The following CSMD3 variants were observed in gnomAD, a reference collection of about 807,000 sequenced individuals.
CSMD3 encodes CUB and sushi domain-containing protein 3.
In CSMD3, 177 loss-of-function variants were observed where a neutral mutation model predicts 435.2. That is an observed-to-expected ratio of 0.41 (90% CI 0.36 to 0.46). The LOEUF is 0.46. Ranked by LOEUF, CSMD3 falls within the 20% of genes least tolerant of loss-of-function variation. CSMD3 has a pLI of 0.34. For missense variants in CSMD3, 4,265 were observed against 4,504.6 expected (o/e 0.95, Z 1.52); for synonymous variants, 1,656 against 1,520.5 (o/e 1.09, Z -2.07).
At chr8:112,227,879 A>G (rs967393234) in intron 70 of CSMD3, among the ~76,000 whole-genome samples, 2 of 152,012 alleles carry the variant, frequency 1.3e-5, no homozygotes, top group Non-Finnish European at 2.9e-5. Flanking sequence ...CGTCTCTACT[A>G]AAAATACAAA....
At chr8:112,678,103 C>A (rs2075807628) in intron 16 of CSMD3, among the ~76,000 whole-genome samples, 1 of 152,134 alleles carries the variant, frequency 6.6e-6, no homozygotes. Context: ...GGGTAGCCTG[C>A]TTCCTTTAGC....
intron 38 of CSMD3, among the ~76,000 whole-genome samples, chr8:112,373,504 T>G (rs2131194783): frequency 6.7e-6 from 1 of 150,232 alleles, no homozygotes; most frequent in Middle Eastern, 3.4e-3. Flanking sequence ...GTACCTAAAA[T>G]TAGGTATTTA....
intron 3 of CSMD3, among the ~76,000 whole-genome samples, chr8:113,236,667 C>A (rs72687681): frequency 0.066 from 10,026 of 152,146 alleles, 449 homozygotes; most frequent in Non-Finnish European, 0.094. Flanking sequence ...AGAATTACAT[C>A]ATTGGCTTCC....
chr8:113,015,591 C>T (rs932522251), intron 6 of CSMD3, among the ~76,000 whole-genome samples: 2 of 151,648 alleles, frequency 1.3e-5, no homozygotes, highest in Non-Finnish European at 2.9e-5. Flanking sequence ...TATATGAATG[C>T]CTATAGCTAT....
intron 10 of CSMD3, among the ~76,000 whole-genome samples, chr8:112,920,697 A>G (rs1019038914): frequency 6.6e-6 from 1 of 151,864 alleles, no homozygotes; most frequent in African/African-American, 2.4e-5. Context: ...TGCACTGTGA[A>G]TTACTTATTA....
intron 10 of CSMD3, among the ~76,000 whole-genome samples, chr8:112,897,621 T>C (rs1330353069): frequency 2.0e-5 from 3 of 151,134 alleles, no homozygotes; most frequent in African/African-American, 7.3e-5. Context: ...TGTTACTCTT[T>C]AGGAAAAGTG....
chr8:112,307,693 A>G (rs1262543019), intron 50 of CSMD3, among the ~76,000 whole-genome samples: 1 of 152,196 alleles, frequency 6.6e-6, no homozygotes, highest in African/African-American at 2.4e-5. Context: ...GGAGTTATGT[A>G]ATAACTGATA....
At chr8:113,123,640 G>C (rs17605667) in intron 4 of CSMD3, among the ~76,000 whole-genome samples, 102,246 of 151,870 alleles carry the variant, frequency 0.67, 36,018 homozygotes, top group East Asian at 0.95. Context: ...ATATCCACCT[G>C]TAAACCAGTG....
At chr8:112,430,266 A>G (rs560383076) in intron 32 of CSMD3, among the ~76,000 whole-genome samples, 2 of 152,164 alleles carry the variant, frequency 1.3e-5, no homozygotes, top group South Asian at 4.1e-4. Context: ...AGTGACAAAA[A>G]AACAGATTAA....
At chr8:112,947,898 G>A (rs1257731196) in intron 8 of CSMD3, 21 bp from the exon 9 acceptor site, 6 of 1,021,720 alleles carry the variant, frequency 5.9e-6, no homozygotes, top group African/African-American at 1.6e-5. Context: ...AGGGAAAAAA[G>A]AAAAAAGAAA....
intron 2 of CSMD3, among the ~76,000 whole-genome samples, chr8:113,285,713 A>G (rs2093642250): frequency 6.6e-6 from 1 of 152,218 alleles, no homozygotes; most frequent in African/African-American, 2.4e-5. Flanking sequence ...TAATATGTCA[A>G]AAATTAAGGC....
chr8:113,070,907 A>G (rs1319573122), intron 5 of CSMD3, among the ~76,000 whole-genome samples: 1 of 152,048 alleles, frequency 6.6e-6, no homozygotes, highest in Non-Finnish European at 1.5e-5. Flanking sequence ...ACTATTTACC[A>G]TAAAGAGCAT....
At chr8:113,432,092 T>G (rs1421161047) in intron 1 of CSMD3, among the ~76,000 whole-genome samples, 2 of 152,176 alleles carry the variant, frequency 1.3e-5, no homozygotes, top group African/African-American at 2.4e-5. Flanking sequence ...ACCTTCTCCT[T>G]AATTATTTCT....
chr8:112,402,061 A>C (rs532886776), intron 35 of CSMD3, among the ~76,000 whole-genome samples: 29 of 152,350 alleles, frequency 1.9e-4, no homozygotes, highest in Non-Finnish European at 4.1e-4. Flanking sequence ...AAACAAAAAC[A>C]ACCTATTTTC....
At chr8:112,943,356 C>T (rs1366070474) in intron 9 of CSMD3, among the ~76,000 whole-genome samples, 1 of 20,030 alleles carries the variant, frequency 5.0e-5, no homozygotes, top group Non-Finnish European at 9.1e-5. Flanking sequence ...ATTTTTTTAT[C>T]GATTATACTT....
rs1491408102 is a variant in CSMD3, at chr8:112,638,191, AAT to A, written c.3526+503_3526+504del. 1.4e-4 allele frequency among the ~76,000 whole-genome samples: 15 copies of A among 107,680 alleles called. 1 individual carries two copies. The highest frequency in any genetic ancestry group is 1.1e-3 in the Admixed American group (12 of 10,906). The allele number at this position is 107,680 out of a possible 152,430, so 70.6% of individuals were successfully genotyped here. A position where few individuals can be genotyped will look rare whatever the true frequency, so the allele number is the denominator to read the frequency against. On this transcript the variant is annotated intron_variant, in intron 21 of 70. Coordinates refer to ENST00000297405, the MANE Select transcript of CSMD3 (RefSeq NM_198123.2). ...CCAGAATAATAAATTACTATTTATT[AAT>A]TATATATATAATTAAAATATATAAT...
At chr8:113,287,498 A>C (rs972946906) in intron 2 of CSMD3, among the ~76,000 whole-genome samples, 15 of 152,062 alleles carry the variant, frequency 9.9e-5, no homozygotes, top group Non-Finnish European at 2.2e-4. Flanking sequence ...TTAAAGAAAA[A>C]TATGGCTGTG....
chr8:113,295,115 T>C (rs2093710908), intron 2 of CSMD3, among the ~76,000 whole-genome samples: 1 of 152,156 alleles, frequency 6.6e-6, no homozygotes, highest in African/African-American at 2.4e-5. Flanking sequence ...TAATAAGCCA[T>C]AATCACATCA....
In CSMD3 at chr8:113,196,559, A is replaced by C. The variant is rs919190689; in HGVS notation, c.515-22643T>G. On this transcript the variant is annotated intron_variant, in intron 3 of 70. Coordinates refer to ENST00000297405, the MANE Select transcript of CSMD3 (RefSeq NM_198123.2). ...CATGAAACACTTTCACAAAAGTTAAAGAGCATGACGAGGATTTTATTTTTT... is the reference window on the plus strand; with the variant it reads ...CATGAAACACTTTCACAAAAGTTAACGAGCATGACGAGGATTTTATTTTTT... Among the ~76,000 whole-genome samples, 7 of 151,312 alleles carry C rather than the reference A, an allele frequency of 4.6e-5. No homozygotes were observed. In the South Asian group the frequency reaches 1.0e-3, roughly 22 times the overall value.
Sources: gnomAD v4.1 joint callset for allele counts (sites outside exome capture counted in the v4.1 genomes callset) on GRCh38, gnomAD v4.1.1 for gene constraint, MANE v1.5 for transcripts, NCBI Gene and HGNC (gene_info 2026-07-23, HGNC 2026-07-21) for gene names.